The following GUCY1A2 variants were observed in gnomAD, a reference collection of about 807,000 sequenced individuals.
The protein encoded by GUCY1A2 is guanylate cyclase soluble subunit alpha-2.
GUCY1A2 carries 27 observed loss-of-function variants against 63.5 expected under a neutral mutation model. That is an observed-to-expected ratio of 0.43 (90% confidence interval 0.31 to 0.59). GUCY1A2 has a LOEUF of 0.59. Ranked by LOEUF, GUCY1A2 falls within the 20% of genes least tolerant of loss-of-function variation. The pLI is 0.11. For missense variants in GUCY1A2, 768 were observed against 913.3 expected, an observed-to-expected ratio of 0.84 and a Z score of 2.05; for synonymous variants, 364 against 343.5, an observed-to-expected ratio of 1.06 and a Z score of -0.66.
intron 4 of GUCY1A2, among the ~76,000 whole-genome samples, chr11:106,905,730 G>C (rs1316875231): frequency 1.3e-5 from 2 of 152,114 alleles, no homozygotes; most frequent in South Asian, 2.1e-4. Flanking sequence ...TCACATGTCT[G>C]AGATAAGAAC....
intron 5 of GUCY1A2, among the ~76,000 whole-genome samples, chr11:106,796,265 T>C (rs995907453): frequency 3.9e-5 from 6 of 152,224 alleles, no homozygotes; most frequent in Non-Finnish European, 7.3e-5. Context: ...TTATCCAATT[T>C]GCCAGTCTGT....
At chr11:106,805,460 G>T (rs1380465469) in intron 5 of GUCY1A2, among the ~76,000 whole-genome samples, 1 of 152,016 alleles carries the variant, frequency 6.6e-6, no homozygotes, top group East Asian at 1.9e-4. Context: ...TGGCCAGGCT[G>T]GTCTCGAACT....
At chr11:106,833,304 C>T (rs1859075063) in intron 4 of GUCY1A2, among the ~76,000 whole-genome samples, 1 of 152,052 alleles carries the variant, frequency 6.6e-6, no homozygotes, top group Non-Finnish European at 1.5e-5. Context: ...GTTAGGACTT[C>T]AAAGTATCTT....
At chr11:106,708,226 T>G (rs926400435) in intron 7 of GUCY1A2, among the ~76,000 whole-genome samples, 1 of 152,066 alleles carries the variant, frequency 6.6e-6, no homozygotes, top group African/African-American at 2.4e-5. Flanking sequence ...CTTAAGAACA[T>G]TTGCTCTCCT....
intron 4 of GUCY1A2, among the ~76,000 whole-genome samples, chr11:106,865,268 C>T (rs996627895): frequency 6.6e-6 from 1 of 151,822 alleles, no homozygotes; most frequent in Admixed American, 6.6e-5. Flanking sequence ...TTTATTGTGT[C>T]CGATTCTTCT....
chr11:106,997,622 C>T (rs1238394039), intron 1 of GUCY1A2, among the ~76,000 whole-genome samples: 2 of 136,214 alleles, frequency 1.5e-5, no homozygotes, highest in African/African-American at 5.4e-5. Flanking sequence ...AGGGAACCCC[C>T]CCCCCCCACC....
intron 6 of GUCY1A2, among the ~76,000 whole-genome samples, chr11:106,709,541 T>TTATTATATAAATATAATAATAATATAA (rs1863020275): frequency 3.1e-5 from 2 of 64,280 alleles, no homozygotes; most frequent in South Asian, 4.7e-4. Flanking sequence ...ATATAATATA[T>TTATTATATAAATATAATAATAATATAA]TATATTATTA....
chr11:106,720,099 A>G (rs768001755), intron 6 of GUCY1A2, among the ~76,000 whole-genome samples: 30 of 152,206 alleles, frequency 2.0e-4, no homozygotes, highest in South Asian at 8.3e-4. Context: ...GTTTAATTAA[A>G]ATATTAGCAA....
chr11:106,871,472 C>G (rs749585674), intron 4 of GUCY1A2, among the ~76,000 whole-genome samples: 10 of 152,088 alleles, frequency 6.6e-5, no homozygotes, highest in Non-Finnish European at 1.3e-4. Context: ...CCAGTATTGT[C>G]AGCAATCCTT....
At chr11:106,949,174 T>A (rs1019484843) in intron 3 of GUCY1A2, among the ~76,000 whole-genome samples, 3 of 152,068 alleles carry the variant, frequency 2.0e-5, no homozygotes, top group African/African-American at 7.2e-5. Context: ...CTACTTTGTT[T>A]TAGGCCACCA....
chr11:107,001,370 TA>T (rs1165962965), intron 1 of GUCY1A2, among the ~76,000 whole-genome samples: 1 of 152,156 alleles, frequency 6.6e-6, no homozygotes, highest in Non-Finnish European at 1.5e-5. Flanking sequence ...TCCTAGTATA[TA>T]ATGTAAGTTG....
intron 1 of GUCY1A2, among the ~76,000 whole-genome samples, chr11:107,007,954 C>A (rs1329852005): frequency 6.7e-6 from 1 of 148,368 alleles, no homozygotes; most frequent in Admixed American, 7.5e-5. Context: ...TCAGCAACCC[C>A]AAATAACTGT....
At chr11:106,894,954 T>C (rs934116090) in intron 4 of GUCY1A2, among the ~76,000 whole-genome samples, 6 of 151,762 alleles carry the variant, frequency 4.0e-5, no homozygotes, top group Admixed American at 3.9e-4. Flanking sequence ...GAAAAGTCAA[T>C]GAAAACAAAA....
At chr11:106,956,049 CTGAT>C (rs1309234657) in intron 3 of GUCY1A2, among the ~76,000 whole-genome samples, 1 of 151,500 alleles carries the variant, frequency 6.6e-6, no homozygotes, top group African/African-American at 2.4e-5. Flanking sequence ...TTTTCAAACT[CTGAT>C]AGCCTTTCTT....
intron 6 of GUCY1A2, among the ~76,000 whole-genome samples, chr11:106,735,847 A>G (rs978757817): frequency 1.3e-5 from 2 of 152,060 alleles, no homozygotes; most frequent in Non-Finnish European, 2.9e-5. Context: ...TGAGATGCTC[A>G]TGGTAGTTTT....
intron 6 of GUCY1A2, among the ~76,000 whole-genome samples, chr11:106,729,814 A>G (rs1290818554): frequency 6.6e-6 from 1 of 151,840 alleles, no homozygotes; most frequent in Non-Finnish European, 1.5e-5. Flanking sequence ...CATGTCTTTC[A>G]AGGTCTAGCT....
chr11:106,877,975 TAAAC>T, intron 4 of GUCY1A2, among the ~76,000 whole-genome samples: 1 of 151,634 alleles, frequency 6.6e-6, no homozygotes, highest in Admixed American at 6.6e-5. Context: ...ACAAAGGACA[TAAAC>T]AGACACTTTT....
At chr11:106,947,183 C>T (rs1860841171) in intron 3 of GUCY1A2, among the ~76,000 whole-genome samples, 1 of 150,306 alleles carries the variant, frequency 6.7e-6, no homozygotes, top group African/African-American at 2.5e-5. Context: ...CACCATTGCA[C>T]TCCAGCCTGG....
chr11:106,841,086 AAT>A (rs1440826476), intron 4 of GUCY1A2, among the ~76,000 whole-genome samples: 1 of 151,870 alleles, frequency 6.6e-6, no homozygotes, highest in Admixed American at 6.6e-5. Flanking sequence ...CTCCAGTTAT[AAT>A]AGATTACTTT....
Sources: allele counts gnomAD v4.1 joint callset (sites outside exome capture counted in the v4.1 genomes callset), GRCh38; gene constraint gnomAD v4.1.1; transcripts MANE v1.5; gene names NCBI Gene and HGNC (gene_info 2026-07-23, HGNC 2026-07-21).